The following ZAN variants were observed in gnomAD, a reference collection of about 807,000 sequenced individuals.
ZAN encodes the protein zonadhesin (gene/pseudogene).
In ZAN, 260 loss-of-function variants were observed where a neutral mutation model predicts 286.2. The ratio of observed to expected loss-of-function variants is 0.91; its 90% CI spans 0.82 to 1.01. ZAN has a LOEUF of 1.01. Among genes scored for constraint, ZAN ranks in the 50% least tolerant of loss-of-function variants. The pLI is 0.00. For missense variants in ZAN, 3,410 were observed against 3,639.2 expected, an observed-to-expected ratio of 0.94 and a Z score of 1.62; for synonymous variants, 1,368 against 1,417.5, an observed-to-expected ratio of 0.97 and a Z score of 0.79.
At position 100,786,065 on chromosome 7, in the gene ZAN, C is replaced by T. The variant is rs368598928; in HGVS notation, c.6903C>T (p.Cys2301=). 1.7e-5 allele frequency: 27 copies of T among 1,613,864 alleles called. No individual in the cohort carries two copies. Among genetic ancestry groups the T allele is most frequent in the African/African-American group, 6.7e-5 (5 of 74,942 alleles). The change falls in exon 37 of 48, where the codon TGC becomes TGT. Residue 2301 remains cysteine, a synonymous_variant. Transcript: ENST00000613979. ...KCVCTGGAIQ[C]GDFRCPSGSH... ...TCTGCACGGGAGGAGCCATTCAGTG[C>T]GGGGACTTCCGATGCCCCTCTGGGT...
Position 100,758,629 on chromosome 7 carries a change from C to A in ZAN, c.3550C>A (p.Gln1184Lys). The stretch of plus-strand genomic sequence containing the variant: ...GGGCAAGTGCACTTACATCTTGGCC[C>A]AGCCCTGTGGCAACTCAACAGGTAG... ...FMGKCTYILAQPCGNSTDPFF... is the reference protein window; with the variant it reads ...FMGKCTYILAKPCGNSTDPFF... The change falls in exon 17 of 48, where the codon CAG becomes AAG. Residue 1184 changes from glutamine (Q) to lysine (K), a missense_variant. Physicochemically the swap from Gln to Lys is moderately conservative, Grantham distance 53. Coordinates refer to ENST00000613979, the MANE Select transcript of ZAN (RefSeq NM_003386.3). The A allele has an allele frequency of 6.4e-7, 1 of 1,556,936 alleles. No individual in the cohort carries two copies. Among genetic ancestry groups the A allele is most frequent in the Non-Finnish European group, 8.7e-7 (1 of 1,150,188 alleles).
chr7:100,770,091 G>A (rs1389984474), intron 28 of ZAN, 117 bp downstream of exon 28: 2 of 1,016,914 alleles, frequency 2.0e-6, no homozygotes. Context: ...GCATGAGGAA[G>A]GCAAATGGGA....
chr7:100,762,289 A>G lies in ZAN; in HGVS notation c.3917A>G (p.Asp1306Gly), dbSNP rs1584585863. Residue 1306 changes from aspartate to glycine, a missense_variant, in exon 20 of 48, where the codon GAC (aspartate) becomes GGC (glycine). Transcript: ENST00000613979. ...AGTGACAATGACCACCTGAAGTTGG[A>G]CGGCAGCCCAGCAGGAGACAAGGAG... is the stretch of plus-strand genomic sequence containing the variant. ...GNSDNDHLKL[D>G]GSPAGDKEEL... The G allele has an allele frequency of 1.2e-6, 2 of 1,613,690 alleles. No individual in the cohort carries two copies. Among genetic ancestry groups the G allele is most frequent in the East Asian group, 2.2e-5 (1 of 44,852 alleles).
intron 24 of ZAN, 127 bp from the exon 25 acceptor site, chr7:100,766,883 G>C (rs755191021): frequency 1.8e-4 from 278 of 1,516,594 alleles, no homozygotes; most frequent in Non-Finnish European, 2.1e-4. Flanking sequence ...ACTTCCTAGG[G>C]AAACACCACA....
At position 100,779,746 on chromosome 7, in the gene ZAN, C is replaced by T. The variant is rs1454792718; in HGVS notation, c.6618C>T (p.Phe2206=). The part of the protein sequence containing the change: ...LKPPLWRNSS[F]CPLECPAYSS... The stretch of plus-strand genomic sequence containing the variant: ...CCCCACTCTGGAGAAACAGCAGCTT[C>T]TGCCGTGAGTGTGCCCTGCTGTCAC... The change falls in exon 35 of 48, where the codon TTC becomes TTT. Residue 2206 remains phenylalanine (F), a synonymous_variant. Transcript: ENST00000613979. The T allele has an allele frequency of 3.2e-6, 5 of 1,551,112 alleles. No individual in the cohort carries two copies. The highest frequency in any genetic ancestry group is 4.4e-6 in the Non-Finnish European group (5 of 1,148,022).
intron 35 of ZAN, among the ~76,000 whole-genome samples, chr7:100,782,060 C>T (rs1321533645): frequency 6.6e-6 from 1 of 152,136 alleles, no homozygotes; most frequent in African/African-American, 2.4e-5. Flanking sequence ...ATCCAGTCAC[C>T]ATTTTTCCAT....
chr7:100,749,501 A>G (rs191882269), intron 11 of ZAN, among the ~76,000 whole-genome samples: 33 of 141,204 alleles, frequency 2.3e-4, no homozygotes, highest in East Asian at 4.4e-4. Context: ...TTAGCCAGGC[A>G]TGGTGGTGGG....
Position 100,759,713 on chromosome 7 carries a change from C to T in ZAN, c.3572-8C>T, listed in dbSNP as rs547765883. 4 of 1,580,138 alleles carry T rather than the reference C, an allele frequency of 2.5e-6. No individual in the cohort carries two copies. The African/African-American group carries it at 5.4e-5, about 21-fold the overall frequency. On this transcript the variant is annotated splice_region_variant and splice_polypyrimidine_tract_variant and intron_variant, in intron 17 of 47. Coordinates refer to ENST00000613979, the MANE Select transcript of ZAN (RefSeq NM_003386.3). ...CACTGGGCTCTCTTCATTCCTCTCC[C>T]TACCCAGACCCATTCTTCAGGGTGA...
intron 11 of ZAN, among the ~76,000 whole-genome samples, chr7:100,749,355 AAG>A (rs1808447148): frequency 6.6e-6 from 1 of 151,396 alleles, no homozygotes; most frequent in Non-Finnish European, 1.5e-5. Flanking sequence ...AATATATAAA[AAG>A]AGGCTGGGCG....
Position 100,754,781 on chromosome 7 carries a change from G to A in ZAN, c.3125-445G>A, listed in dbSNP as rs547300863. On this transcript the variant is annotated intron_variant, in intron 14 of 47. Coordinates refer to ENST00000613979, the MANE Select transcript of ZAN (RefSeq NM_003386.3). ...AATCCTGTAATTACGCCTCAGCCTC[G>A]GCCTCCCAAAGTCTTGGGATTACAG... 2.2e-4 allele frequency among the ~76,000 whole-genome samples: 33 copies of A among 151,664 alleles called. No homozygotes were observed. In the South Asian group the frequency reaches 3.0e-3, roughly 14 times the overall value.
intron 35 of ZAN, among the ~76,000 whole-genome samples, chr7:100,780,997 A>C (rs1258669720): frequency 6.6e-6 from 1 of 152,102 alleles, no homozygotes; most frequent in Non-Finnish European, 1.5e-5. Flanking sequence ...TGCCAATCTG[A>C]GAATTGAAAA....
intron 7 of ZAN, among the ~76,000 whole-genome samples, chr7:100,746,133 C>T (rs770475808): frequency 2.6e-5 from 4 of 151,972 alleles, no homozygotes; most frequent in Non-Finnish European, 4.4e-5. Context: ...GAGGCTGAGG[C>T]GGGAGGATCA....
intron 28 of ZAN, 53 bp downstream of exon 28, chr7:100,770,027 G>A: frequency 6.6e-7 from 1 of 1,506,000 alleles, no homozygotes; most frequent in Non-Finnish European, 9.0e-7. Context: ...AGGAGGCTGG[G>A]GAGGGAGTCT....
intron 42 of ZAN, among the ~76,000 whole-genome samples, chr7:100,793,198 G>A (rs573093382): frequency 2.0e-5 from 3 of 151,242 alleles, no homozygotes; most frequent in East Asian, 3.9e-4. Flanking sequence ...AATTGGCCGG[G>A]TGTGGTGGTG....
intron 19 of ZAN, among the ~76,000 whole-genome samples, 157 bp from the exon 20 acceptor site, chr7:100,762,058 G>T (rs780778371): frequency 6.6e-6 from 1 of 152,070 alleles, no homozygotes; most frequent in African/African-American, 2.4e-5. Context: ...AGGAGGCTTG[G>T]GGGAGGGCCA....
At chr7:100,742,151 G>A (rs1446397796) in intron 7 of ZAN, among the ~76,000 whole-genome samples, 2 of 75,686 alleles carry the variant, frequency 2.6e-5, no homozygotes, top group East Asian at 3.6e-4. Context: ...CTTCTCAGAC[G>A]GGGCGGCCGG....
rs774620493 is a variant in ZAN, at chr7:100,752,003, C to A, written c.1898C>A (p.Pro633His). 17 of 1,612,978 alleles carry A rather than the reference C, an allele frequency of 1.1e-5. No homozygotes were observed. The highest frequency in any genetic ancestry group is 1.7e-5 in the Admixed American group (1 of 59,858). The change falls in exon 14 of 48, where the codon CCC (proline) becomes CAC (histidine). Residue 633 changes from proline (P) to histidine (H), a missense_variant. Around this residue, in one of 7 missense-constraint regions of ZAN, gnomAD observed 872 missense variants for 938.9 expected, o/e 0.93. Coordinates refer to ENST00000613979, the MANE Select transcript of ZAN (RefSeq NM_003386.3). ...AAACCCACCATCCTCACAGAAAAAC[C>A]CACCATTCCCTCAGAAAAACCCACC... ...SEKPTILTEK[P>H]TIPSEKPTIP...
chr7:100,787,952 G>A lies in ZAN; in HGVS notation c.7043G>A (p.Arg2348His), dbSNP rs780537198. 20 of 484,758 alleles carry A rather than the reference G, an allele frequency of 4.1e-5. No individual in the cohort carries two copies. Among genetic ancestry groups the A allele is most frequent in the South Asian group, 1.6e-4 (6 of 38,068 alleles). 30.0% of individuals were successfully genotyped at this position (484,758 alleles called of 1,614,324 possible). Residue 2348 changes from arginine (R) to histidine (H), a missense_variant, in exon 38 of 48, where the codon CGC becomes CAC. Physicochemically the swap from Arg to His is conservative, Grantham distance 29 (BLOSUM62 0). Coordinates refer to ENST00000613979, the MANE Select transcript of ZAN (RefSeq NM_003386.3). Reference sequence around the variant, plus strand: ...CTCACATTTGACGGCTTCAGCTACCGCTTGCAAGGCCGCATGACCTATGTT... The same window carrying A: ...CTCACATTTGACGGCTTCAGCTACCACTTGCAAGGCCGCATGACCTATGTT... ...RYLTFDGFSY[R>H]LQGRMTYVLI...
intron 44 of ZAN, among the ~76,000 whole-genome samples, chr7:100,794,873 G>A (rs1008559709): frequency 1.1e-4 from 16 of 150,818 alleles, no homozygotes; most frequent in Admixed American, 2.0e-4. Context: ...GGGGAGGGCA[G>A]GGGAGGGGAG....
Sources: allele counts gnomAD v4.1 joint callset (sites outside exome capture counted in the v4.1 genomes callset), GRCh38; gene constraint gnomAD v4.1.1; regional missense constraint gnomAD v4.1.1; transcripts MANE v1.5; gene names NCBI Gene and HGNC (gene_info 2026-07-23, HGNC 2026-07-21).